EXD3: variants seen among roughly 807,000 people sequenced by gnomAD.
The protein encoded by EXD3 is exonuclease 3'-5' domain containing 3, also known as exonuclease mut-7 homolog.
A neutral mutation model predicts 98.0 loss-of-function variants in EXD3; 92 were observed. That is an observed-to-expected ratio of 0.94 (90% CI 0.79 to 1.12). The LOEUF (loss-of-function observed/expected upper bound fraction) is 1.12, where lower values mean the gene tolerates loss of function less well. Among genes scored for constraint, EXD3 ranks in the 50% most tolerant of loss-of-function variants. The pLI is 0.00. For missense variants in EXD3, 1,222 were observed against 1,191.6 expected (o/e 1.03, Z -0.38); for synonymous variants, 569 against 526.0 (o/e 1.08, Z -1.12).
In EXD3 at chr9:137,352,687, A is replaced by C; in HGVS notation, c.970T>G (p.Leu324Val). 2.6e-6 allele frequency: 4 copies of C among 1,558,816 alleles called. No individual in the cohort carries two copies. The highest frequency in any genetic ancestry group is 3.5e-6 in the Non-Finnish European group (4 of 1,152,544). Reference sequence around the variant, plus strand: ...GCCGGCAGCCGCTCCTCGGGCAGCAAGAGTTCCATGGCACACTGGGCGGCC... The same window carrying C: ...GCCGGCAGCCGCTCCTCGGGCAGCACGAGTTCCATGGCACACTGGGCGGCC... ...VTAAQCAMEL[L>V]LPEERLPAAV... The change falls in exon 11 of 22, where the codon TTG becomes GTG. Residue 324 changes from leucine to valine, a missense_variant. Physicochemically the swap from Leu to Val is conservative, Grantham distance 32. Coordinates refer to ENST00000340951, the MANE Select transcript of EXD3 (RefSeq NM_017820.5).
intron 5 of EXD3, among the ~76,000 whole-genome samples, chr9:137,368,885 G>T (rs930782342): frequency 6.6e-6 from 1 of 150,618 alleles, no homozygotes; most frequent in Admixed American, 6.6e-5. Context: ...AGGGGCGAAG[G>T]TCCGGGGCGG....
rs1564507989 is a variant in EXD3 at position 137,355,447 on chromosome 9, GGAT to G, written c.758-677_758-675del. 3.5e-4 allele frequency among the ~76,000 whole-genome samples: 14 copies of G among 39,530 alleles called. 2 individuals carry two copies. Among genetic ancestry groups the G allele is most frequent in the African/African-American group, 1.1e-3 (11 of 10,032 alleles). The allele number at this position is 39,530 out of a possible 152,430, so 25.9% of individuals were successfully genotyped here. The stretch of plus-strand genomic sequence containing the variant: ...GGAGGAAGGAGGATGGAGGAAGGGA[GGAT>G]GGAGGAAGGAGAAAGGAGGAAGGAG... On this transcript the variant is annotated intron_variant, in intron 8 of 21. Transcript: ENST00000340951.
chr9:137,334,566 C>T (rs1480671668), intron 17 of EXD3, among the ~76,000 whole-genome samples: 2 of 152,076 alleles, frequency 1.3e-5, no homozygotes, highest in Non-Finnish European at 2.9e-5. Context: ...TACCTCTCAC[C>T]ATATACAAAA....
intron 6 of EXD3, 96 bp from the exon 7 acceptor site, chr9:137,366,728 G>A (rs779890391): frequency 1.6e-5 from 23 of 1,450,924 alleles, no homozygotes; most frequent in South Asian, 2.7e-5. Context: ...GTGTCAGAAC[G>A]AAAGGGGCCC....
At chr9:137,392,733 G>A in intron 2 of EXD3, 1 of 357,270 alleles carries the variant, frequency 2.8e-6, no homozygotes, top group South Asian at 2.1e-5. Context: ...AGGAGCACCA[G>A]GCTGTTCCAG....
intron 17 of EXD3, among the ~76,000 whole-genome samples, chr9:137,330,540 A>ACTGATGGACTTCTCGAGG (rs1833001915): frequency 1.6e-5 from 2 of 128,406 alleles, no homozygotes; most frequent in Admixed American, 7.7e-5. Flanking sequence ...GCTATACAGG[A>ACTGATGGACTTCTCGAGG]GCTACACAGG....
At chr9:137,344,682 C>G (rs1275470911) in intron 17 of EXD3, among the ~76,000 whole-genome samples, 3 of 152,354 alleles carry the variant, frequency 2.0e-5, no homozygotes, top group Non-Finnish European at 4.4e-5. Flanking sequence ...CCCAAATCAT[C>G]AAGTCCTAGT....
rs28485378 is a variant in EXD3 at position 137,388,850 on chromosome 9, G to A, written c.56-5473C>T. ...TAGAAGAGCCCGGCCGCCCAGACCA[G>A]ACCCCACGCGCTGTGGTGACCTGCA... On this transcript the variant is annotated intron_variant, in intron 2 of 21. Transcript: ENST00000340951. Among the ~76,000 whole-genome samples the A allele has an allele frequency of 7.9e-3, 1,210 of 152,304 alleles. 7 individuals are homozygous for A. The highest frequency in any genetic ancestry group is 0.013 in the Non-Finnish European group (863 of 68,022).
At chr9:137,345,068 C>T (rs1207206490) in intron 17 of EXD3, among the ~76,000 whole-genome samples, 2 of 152,240 alleles carry the variant, frequency 1.3e-5, no homozygotes, top group Non-Finnish European at 2.9e-5. Flanking sequence ...CTCAGCAGAA[C>T]ACCCAGGTTC....
intron 20 of EXD3, 117 bp from the exon 21 acceptor site, chr9:137,307,763 C>T (rs1588208510): frequency 3.6e-6 from 4 of 1,120,642 alleles, no homozygotes; most frequent in South Asian, 2.8e-5. Context: ...GGTGCAGCCT[C>T]TTCACACACC....
At chr9:137,392,018 A>G (rs1053646102) in intron 2 of EXD3, 10 of 152,190 alleles carry the variant, frequency 6.6e-5, no homozygotes, top group African/African-American at 2.4e-4. Context: ...TATTTTTAGT[A>G]GAGACGGGGT....
At chr9:137,338,344 A>C (rs577600530) in intron 17 of EXD3, among the ~76,000 whole-genome samples, 9 of 152,360 alleles carry the variant, frequency 5.9e-5, no homozygotes, top group African/African-American at 2.2e-4. Flanking sequence ...ACTAAAAACA[A>C]TGAAAACACT....
chr9:137,388,454 A>G (rs1447109460), intron 2 of EXD3, among the ~76,000 whole-genome samples: 4 of 152,152 alleles, frequency 2.6e-5, no homozygotes, highest in Admixed American at 6.5e-5. Context: ...ACCTTGAGAC[A>G]CAGACGCACG....
Position 137,347,083 on chromosome 9 carries a change from G to C in EXD3, c.1998+988C>G, listed in dbSNP as rs114280627. On this transcript the variant is annotated intron_variant, in intron 17 of 21. Transcript: ENST00000340951. This position sits in a 1 kb window ranked among gnomAD's most constrained non-coding sequence, Gnocchi z 4.2. ...CCCGCCTCGGCCTCCCAGAGTGCAG[G>C]GATTACAGGCGTGAGCACCCAGCCT... Among the ~76,000 whole-genome samples the C allele has an allele frequency of 6.6e-6, 1 of 152,234 alleles. No homozygotes were observed. Among genetic ancestry groups the C allele is most frequent in the African/African-American group, 2.4e-5 (1 of 41,540 alleles).
chr9:137,375,254 G>A (rs1445680529), intron 3 of EXD3, among the ~76,000 whole-genome samples: 7 of 152,118 alleles, frequency 4.6e-5, no homozygotes, highest in African/African-American at 1.2e-4. Context: ...TGATCCGCCC[G>A]TCTCGGCCTC....
chr9:137,329,032 G>GA (rs1367103031), intron 17 of EXD3, among the ~76,000 whole-genome samples: 1 of 40,952 alleles, frequency 2.4e-5, no homozygotes, highest in Non-Finnish European at 4.2e-5. Flanking sequence ...AGCTACACGG[G>GA]GCTACACGGG....
chr9:137,353,930 G>A (rs1264594603), intron 10 of EXD3: 2 of 1,024,628 alleles, frequency 2.0e-6, no homozygotes, highest in Admixed American at 1.2e-4. Flanking sequence ...GCATTCTTCA[G>A]GACGTCCGCT....
At chr9:137,382,531 AG>A (rs1272557996) in intron 3 of EXD3, among the ~76,000 whole-genome samples, 1 of 152,208 alleles carries the variant, frequency 6.6e-6, no homozygotes, top group Admixed American at 6.5e-5. Context: ...AAGCAAGGAC[AG>A]AGATTCACAA....
At chr9:137,333,223 G>A (rs534395518) in intron 17 of EXD3, among the ~76,000 whole-genome samples, 32 of 152,174 alleles carry the variant, frequency 2.1e-4, no homozygotes, top group African/African-American at 5.5e-4. Context: ...AGGGGCTCTC[G>A]GGCCTTTGGC....
Sources: allele counts gnomAD v4.1 joint callset (sites outside exome capture counted in the v4.1 genomes callset), GRCh38; gene constraint gnomAD v4.1.1; non-coding constraint Gnocchi (gnomAD v3.1); transcripts MANE v1.5; gene names NCBI Gene and HGNC (gene_info 2026-07-23, HGNC 2026-07-21).